MAP4: variants seen among roughly 807,000 people sequenced by gnomAD.
The protein encoded by MAP4 is microtubule associated protein 4.
A neutral mutation model predicts 170.2 loss-of-function variants in MAP4; 76 were observed. The observed-to-expected ratio is 0.45, with a 90% confidence interval of 0.37 to 0.54. The LOEUF (loss-of-function observed/expected upper bound fraction) is 0.54. MAP4 is among the 20% of genes least tolerant of loss of function. The probability of loss-of-function intolerance (pLI) is 0.00; values close to 1 mark genes in which losing one functional copy is unlikely to be tolerated. For missense variants in MAP4, 2,506 were observed against 2,748.0 expected, an observed-to-expected ratio of 0.91 and a Z score of 1.97; for synonymous variants, 909 against 994.5, an observed-to-expected ratio of 0.91 and a Z score of 1.62.
intron 1 of MAP4, among the ~76,000 whole-genome samples, chr3:48,035,120 T>C (rs1436840138): frequency 6.6e-6 from 1 of 151,718 alleles, no homozygotes; most frequent in Non-Finnish European, 1.5e-5. Flanking sequence ...AAAATCATTA[T>C]TTTAACAATT....
rs144201830 is a variant in MAP4 at position 47,974,364 on chromosome 3, G to A, written c.292+3501C>T. The stretch of plus-strand genomic sequence containing the variant: ...CACTTGAACCTGGGAGGCAGAGGGT[G>A]CAGTAAGCCAAGATCGCGCCACCGC... On this transcript the variant is annotated intron_variant, in intron 3 of 20. Transcript: ENST00000683076. 3,177 of 602,310 alleles carry A rather than the reference G, an allele frequency of 5.3e-3. 25 individuals are homozygous for A. The highest frequency in any genetic ancestry group is 0.024 in the Middle Eastern group (29 of 1,190). The allele number at this position is 602,310 out of a possible 1,614,324, so 37.3% of individuals were successfully genotyped here.
At chr3:47,914,760 C>T (rs2100037706) in intron 8 of MAP4, 57 bp downstream of exon 8, 1 of 1,603,984 alleles carries the variant, frequency 6.2e-7, no homozygotes, top group African/African-American at 1.3e-5. Context: ...TGTCTACCAT[C>T]ACTACTCTAT....
intron 1 of MAP4, among the ~76,000 whole-genome samples, chr3:48,045,731 C>T (rs992694656): frequency 1.2e-4 from 18 of 152,178 alleles, no homozygotes; most frequent in Admixed American, 4.6e-4. Context: ...ACAATAGAGA[C>T]GGGGTTTCAC....
intron 1 of MAP4, among the ~76,000 whole-genome samples, chr3:48,057,414 T>A (rs1198907881): frequency 7.6e-6 from 1 of 132,308 alleles, no homozygotes; most frequent in Non-Finnish European, 1.6e-5. Flanking sequence ...GAAGGCAGCA[T>A]GCTCGTTAAG....
At chr3:48,048,706 A>T (rs143694492) in intron 1 of MAP4, among the ~76,000 whole-genome samples, 71 of 151,922 alleles carry the variant, frequency 4.7e-4, no homozygotes, top group African/African-American at 1.6e-3. Flanking sequence ...TTTTGTAGAG[A>T]CAGGATCTCA....
chr3:48,058,390 A>C (rs1429906368), intron 1 of MAP4, among the ~76,000 whole-genome samples: 2 of 152,240 alleles, frequency 1.3e-5, no homozygotes, highest in East Asian at 3.8e-4. Context: ...ACCAAGTAGC[A>C]CACATAAATA....
intron 12 of MAP4, among the ~76,000 whole-genome samples, 185 bp downstream of exon 12, chr3:47,875,500 G>GCTAAC (rs1040188562): frequency 1.8e-4 from 28 of 152,236 alleles, no homozygotes; most frequent in African/African-American, 6.5e-4. Context: ...GTGGAGCAGG[G>GCTAAC]CTAACCCATA....
chr3:48,059,094 A>T (rs2100133791), intron 1 of MAP4, among the ~76,000 whole-genome samples: 1 of 152,172 alleles, frequency 6.6e-6, no homozygotes, highest in South Asian at 2.1e-4. Context: ...ACATTATTTT[A>T]AACAGCCTTC....
intron 1 of MAP4, among the ~76,000 whole-genome samples, chr3:48,061,644 T>C (rs1253425412): frequency 2.9e-4 from 42 of 143,222 alleles, no homozygotes; most frequent in Admixed American, 2.7e-3. Context: ...CGTCTCTGCC[T>C]GGCCGCCCAT....
rs984411129 is a variant in MAP4 at position 47,914,578 on chromosome 3, C to CA, written c.1999+238dup. ...AAAAAAAAAACAACGACAACAACAA[C>CA]AAAAAAAACAGTGGAGAAAAAAAAA... On this transcript the variant is annotated intron_variant, in intron 8 of 20. Coordinates refer to ENST00000683076, the MANE Select transcript of MAP4 (RefSeq NM_001385682.1). Among the ~76,000 whole-genome samples, 33 of 148,040 alleles carry CA rather than the reference C, an allele frequency of 2.2e-4. No individual in the cohort carries two copies. In the East Asian group the frequency reaches 5.2e-3, roughly 23 times the overall value.
upstream of MAP4, among the ~76,000 whole-genome samples, chr3:48,019,045 G>A (rs992188973): frequency 5.9e-5 from 9 of 152,078 alleles, no homozygotes. Flanking sequence ...CAAGATGGTC[G>A]ACCAGTTACT....
chr3:48,066,552 G>A (rs1257590320), intron 1 of MAP4, among the ~76,000 whole-genome samples: 1 of 151,890 alleles, frequency 6.6e-6, no homozygotes, highest in Non-Finnish European at 1.5e-5. Context: ...GGAGTGCAGA[G>A]GCGCAATCTC....
At chr3:47,959,465 A>C (rs1404224733) in intron 3 of MAP4, among the ~76,000 whole-genome samples, 2 of 151,516 alleles carry the variant, frequency 1.3e-5, no homozygotes, top group African/African-American at 2.4e-5. Context: ...AGGGAAAAAA[A>C]AAAAAATGTG....
rs397817713 is a variant in MAP4 at position 47,858,021 on chromosome 3, C to CTT, written c.6502-511_6502-510dup. ...CGTGAGCCACCACGCCTGGCCTTCA[C>CTT]TTTTTTTTTTTTTTTTTTTAAGACA... On this transcript the variant is annotated intron_variant, in intron 17 of 20. Coordinates refer to ENST00000683076, the MANE Select transcript of MAP4 (RefSeq NM_001385682.1). Among the ~76,000 whole-genome samples the CTT allele has an allele frequency of 7.3e-4, 86 of 118,350 alleles. 1 individual carries two copies. Among genetic ancestry groups the CTT allele is most frequent in the South Asian group, 2.4e-3 (8 of 3,376 alleles). The allele number at this position is 118,350 out of a possible 152,430, so 77.6% of individuals were successfully genotyped here.
intron 10 of MAP4, among the ~76,000 whole-genome samples, chr3:47,888,865 G>A (rs758013303): frequency 1.3e-4 from 20 of 152,182 alleles, no homozygotes; most frequent in Non-Finnish European, 2.4e-4. Context: ...TGAATGAAGC[G>A]GGTGGGTCTA....
At chr3:48,046,620 G>A (rs1349687682) in intron 1 of MAP4, among the ~76,000 whole-genome samples, 1 of 152,156 alleles carries the variant, frequency 6.6e-6, no homozygotes, top group African/African-American at 2.4e-5. Context: ...TCACAGGGTG[G>A]CTCTTTCATT....
In MAP4 at chr3:47,911,472, T is replaced by C; in HGVS notation, c.2949A>G (p.Glu983=). 2.0e-6 allele frequency: 3 copies of C among 1,535,990 alleles called. No individual in the cohort carries two copies. The highest frequency in any genetic ancestry group is 2.6e-6 in the Non-Finnish European group (3 of 1,146,840). The part of the protein sequence containing the change: ...VPTLIASNPL[E]CNLKEGNNES... ...CATTATTCCCTTCTTTTAGATTACA[T>C]TCTAATGGATTACTTGCTATCAAAG... is the stretch of plus-strand genomic sequence containing the variant. The change falls in exon 9 of 21, where the codon GAA becomes GAG. Residue 983 remains glutamate (E), a synonymous_variant. Transcript: ENST00000683076. The surrounding 1 kb of genome is among the most constrained non-coding windows in gnomAD (Gnocchi z 4.0).
intron 2 of MAP4, among the ~76,000 whole-genome samples, chr3:47,983,748 G>T (rs906517041): frequency 6.6e-6 from 1 of 152,056 alleles, no homozygotes; most frequent in South Asian, 2.1e-4. Context: ...CAAACTCCTG[G>T]GCTCAAGTGG....
chr3:47,938,737 G>C (rs1387548232), intron 3 of MAP4, among the ~76,000 whole-genome samples: 4 of 152,148 alleles, frequency 2.6e-5, no homozygotes, highest in Non-Finnish European at 5.9e-5. Context: ...GTAAATTTGG[G>C]ACAGCCCTTT....
Sources: allele counts gnomAD v4.1 joint callset (sites outside exome capture counted in the v4.1 genomes callset), GRCh38; gene constraint gnomAD v4.1.1; non-coding constraint Gnocchi (gnomAD v3.1); transcripts MANE v1.5; gene names NCBI Gene and HGNC (gene_info 2026-07-23, HGNC 2026-07-21).